DST: variants seen among roughly 807,000 people sequenced by gnomAD.
The protein encoded by DST is bullous pemphigoid antigen.
A neutral mutation model predicts 875.2 loss-of-function variants in DST; 253 were observed. That is an observed-to-expected ratio of 0.29 (90% CI 0.26 to 0.32). The LOEUF is 0.32. DST is among the 10% of genes least tolerant of loss of function. DST has a pLI of 1.00. For missense variants in DST, 8,287 were observed against 9,111.6 expected, an observed-to-expected ratio of 0.91 and a Z score of 3.68; for synonymous variants, 3,124 against 3,197.1, an observed-to-expected ratio of 0.98 and a Z score of 0.77.
Position 56,628,275 on chromosome 6 carries a change from C to G in DST, c.4476-114G>C, listed in dbSNP as rs41271878. On this transcript the variant is annotated intron_variant, in intron 32 of 103. Coordinates refer to ENST00000680361, the MANE Select transcript of DST (RefSeq NM_001374736.1). ...GGACTGCAATGAACTAAGCACAAGA[C>G]GGGTATGTATAAAGAACTCAAGGCT... 57,379 of 918,028 alleles carry G rather than the reference C, an allele frequency of 0.063. 5,366 individuals are homozygous for G. Among genetic ancestry groups the G allele is most frequent in the African/African-American group, 0.38 (23,337 of 61,526 alleles). The allele number at this position is 918,028 out of a possible 1,614,324, so 56.9% of individuals were successfully genotyped here.
chr6:56,863,997 GAT>G (rs1772699929), intron 3 of DST: 1 of 152,220 alleles, frequency 6.6e-6, no homozygotes, highest in Non-Finnish European at 1.5e-5. Flanking sequence ...TTTCATAAAA[GAT>G]CAGTCTAGAT....
intron 61 of DST, among the ~76,000 whole-genome samples, chr6:56,547,098 A>T (rs1480558954): frequency 6.6e-6 from 1 of 152,186 alleles, no homozygotes; most frequent in Non-Finnish European, 1.5e-5. Flanking sequence ...TAGCAGCAAA[A>T]CTGAAAAGAG....
chr6:56,954,285 T>G (rs1336925368), intron 1 of DST, 122 bp downstream of exon 1: 1 of 643,392 alleles, frequency 1.6e-6, no homozygotes, highest in African/African-American at 1.9e-5. Context: ...GCACTCAGCC[T>G]GGGGAGTGGG....
intron 5 of DST, among the ~76,000 whole-genome samples, chr6:56,709,109 C>G (rs1490089225): frequency 1.3e-5 from 2 of 152,176 alleles, no homozygotes; most frequent in Admixed American, 1.3e-4. Flanking sequence ...AAGGCTGATA[C>G]AGCATTTTCT....
chr6:56,484,255 A>G (rs951421777), intron 88 of DST: 3 of 152,160 alleles, frequency 2.0e-5, no homozygotes, highest in Non-Finnish European at 2.9e-5. Flanking sequence ...CAAAACATTT[A>G]TTTCAATATA....
Position 56,611,582 on chromosome 6 carries a change from T to C in DST, c.5073A>G (p.Glu1691=), listed in dbSNP as rs2098545221. The stretch of plus-strand genomic sequence containing the variant: ...ATAATTGTTCCTTCTTGGTTGATAT[T>C]TCCTCACTGGAAATCTGTAAGGTAA... ...PFSKQKISSE[E]ISTKKEQLSE... The change falls in exon 38 of 104, where the codon GAA becomes GAG. Residue 1691 remains glutamate, a synonymous_variant. Coordinates refer to ENST00000680361, the MANE Select transcript of DST (RefSeq NM_001374736.1). The C allele has an allele frequency of 6.2e-7, 1 of 1,612,142 alleles. No homozygotes were observed. Among genetic ancestry groups the C allele is most frequent in the Non-Finnish European group, 8.5e-7 (1 of 1,178,724 alleles).
chr6:56,895,854 A>G (rs1790882916), intron 3 of DST, among the ~76,000 whole-genome samples: 1 of 14,084 alleles, frequency 7.1e-5, no homozygotes, highest in Middle Eastern at 0.014. Context: ...ATCTCCACCA[A>G]AAAAAAACGA....
intron 9 of DST, among the ~76,000 whole-genome samples, chr6:56,672,825 C>A (rs1173195518): frequency 6.6e-6 from 1 of 152,098 alleles, no homozygotes; most frequent in Non-Finnish European, 1.5e-5. Context: ...AGAAGTAAAA[C>A]CTTGACTTTA....
intron 82 of DST, among the ~76,000 whole-genome samples, chr6:56,496,667 G>T (rs189595579): frequency 6.8e-4 from 104 of 152,014 alleles, no homozygotes; most frequent in African/African-American, 2.5e-3. Context: ...ATTTTGTGGG[G>T]GAAGGTTTGT....
At chr6:56,819,486 T>C (rs938064004) in intron 4 of DST, among the ~76,000 whole-genome samples, 1 of 152,182 alleles carries the variant, frequency 6.6e-6, no homozygotes, top group Non-Finnish European at 1.5e-5. Flanking sequence ...ACGGCATACA[T>C]TGATTAGTTA....
chr6:56,820,603 G>A (rs908981104), intron 4 of DST, among the ~76,000 whole-genome samples: 1 of 152,022 alleles, frequency 6.6e-6, no homozygotes, highest in African/African-American at 2.4e-5. Context: ...TCCCAACTCT[G>A]CACGCAGTGA....
At chr6:56,597,699 G>C in intron 47 of DST, 41 bp downstream of exon 47, 1 of 1,568,774 alleles carries the variant, frequency 6.4e-7, no homozygotes, top group East Asian at 2.3e-5. Context: ...TACCAACCTG[G>C]AAATAGAATT....
intron 9 of DST, among the ~76,000 whole-genome samples, chr6:56,698,774 G>C (rs1337351222): frequency 6.6e-6 from 1 of 152,198 alleles, no homozygotes; most frequent in Non-Finnish European, 1.5e-5. Flanking sequence ...CAGGCTCTGT[G>C]CTGCACACAG....
At position 56,606,928 on chromosome 6, in the gene DST, G is replaced by C. The variant is rs1428801881; in HGVS notation, c.7700C>G (p.Thr2567Ser). The change falls in exon 40 of 104, where the codon ACT (threonine) becomes AGT (serine). Residue 2567 changes from threonine (T) to serine (S), a missense_variant. By Grantham distance (58) the Thr-to-Ser change is moderately conservative. This residue lies in a region of DST where 3,138 missense variants were observed against 3,116.6 expected (regional missense o/e 1.01). Coordinates refer to ENST00000680361, the MANE Select transcript of DST (RefSeq NM_001374736.1). ...YSCAVTPGGD[T>S]DNAIVSLTCA... ...AGTAAGAGACACAATGGCATTATCA[G>C]TATCACCCCCTGGAGTCACAGCACA... 3 of 1,613,250 alleles carry C rather than the reference G, an allele frequency of 1.9e-6. No individual in the cohort carries two copies. The highest frequency in any genetic ancestry group is 1.3e-5 in the African/African-American group (1 of 74,864).
rs1162970497 is a variant in DST, at chr6:56,609,211, C to G, written c.5417G>C (p.Gly1806Ala). Residue 1806 changes from glycine to alanine, a missense_variant, in exon 40 of 104, where the codon GGT becomes GCT. Around this residue, in one of 10 missense-constraint regions of DST, gnomAD observed 3,138 missense variants for 3,116.6 expected, o/e 1.01. Coordinates refer to ENST00000680361, the MANE Select transcript of DST (RefSeq NM_001374736.1). ...CTTTCTTAATTCTGGTGAAATTAGA[C>G]CAGAAATCATTAGCTGTGTCTCAAG... ...RLLETQLMIS[G>A]LISPELRKCF... 1.2e-6 allele frequency: 2 copies of G among 1,613,670 alleles called. No individual in the cohort carries two copies. Among genetic ancestry groups the G allele is most frequent in the Non-Finnish European group, 1.7e-6 (2 of 1,179,766 alleles).
At chr6:56,706,973 C>G (rs931480821) in intron 5 of DST, among the ~76,000 whole-genome samples, 5 of 152,234 alleles carry the variant, frequency 3.3e-5, no homozygotes, top group African/African-American at 1.2e-4. Flanking sequence ...CCACTGCACT[C>G]TAGCCTGGGC....
intron 68 of DST, 89 bp from the exon 69 acceptor site, chr6:56,526,656 G>T (rs77285065): frequency 1.7e-6 from 2 of 1,189,938 alleles, no homozygotes; most frequent in Admixed American, 2.0e-5. Context: ...CTTTGCAGGC[G>T]AATAATGTGA....
chr6:56,855,860 G>C (rs1269734303), intron 3 of DST, among the ~76,000 whole-genome samples: 2 of 152,274 alleles, frequency 1.3e-5, no homozygotes, highest in South Asian at 4.1e-4. Flanking sequence ...TGGAATGTGG[G>C]AGCAAACTGC....
At position 56,489,569 on chromosome 6, in the gene DST, T is replaced by C; in HGVS notation, c.20798A>G (p.Glu6933Gly). ...TTCAGAATCCAAAGACTTTTCTGAC[T>C]CTTCTAGCCACTCCATAAGTTTACT... ...AWSKLMEWLE[E>G]SEKSLDSELE... The change falls in exon 86 of 104, where the codon GAG becomes GGG. Residue 6933 changes from glutamate to glycine, a missense_variant. Transcript: ENST00000680361. The C allele has an allele frequency of 6.2e-7, 1 of 1,613,150 alleles. No homozygotes were observed. Among genetic ancestry groups the C allele is most frequent in the Non-Finnish European group, 8.5e-7 (1 of 1,179,448 alleles).
Sources: gnomAD v4.1 joint callset for allele counts (sites outside exome capture counted in the v4.1 genomes callset) on GRCh38, gnomAD v4.1.1 for gene constraint, gnomAD v4.1.1 regional missense constraint, MANE v1.5 for transcripts, NCBI Gene and HGNC (gene_info 2026-07-23, HGNC 2026-07-21) for gene names.